The following PTPRZ1 variants were observed in gnomAD, a reference collection of about 807,000 sequenced individuals.
PTPRZ1 encodes receptor-type tyrosine-protein phosphatase zeta.
In PTPRZ1, 82 loss-of-function variants were observed where a neutral mutation model predicts 214.1. The observed-to-expected ratio is 0.38, with a 90% CI of 0.32 to 0.46. The LOEUF (loss-of-function observed/expected upper bound fraction) is 0.46. PTPRZ1 is among the 20% of genes least tolerant of loss of function. The pLI is 1.00. For missense variants in PTPRZ1, 2,603 were observed against 2,748.7 expected (o/e 0.95, Z 1.19); for synonymous variants, 945 against 987.9 (o/e 0.96, Z 0.81).
Position 122,059,835 on chromosome 7 carries a change from T to C in PTPRZ1, c.6754T>C (p.Tyr2252His), listed in dbSNP as rs1422557640. Residue 2252 changes from tyrosine (Y) to histidine (H), a missense_variant, in exon 29 of 30, where the codon TAC (tyrosine) becomes CAC (histidine). Coordinates refer to ENST00000393386, the MANE Select transcript of PTPRZ1 (RefSeq NM_002851.3). ...AGAAAAAGAAAATTCCGTGGATGTT[T>C]ACCAGGTAGCCAAGATGATCAATCT... ...QLEKENSVDV[Y>H]QVAKMINLMR... The C allele has an allele frequency of 5.0e-6, 8 of 1,613,742 alleles. No individual in the cohort carries two copies. Among genetic ancestry groups the C allele is most frequent in the African/African-American group, 1.3e-5 (1 of 74,998 alleles).
intron 2 of PTPRZ1, among the ~76,000 whole-genome samples, chr7:121,961,934 C>T (rs1053160284): frequency 6.6e-6 from 1 of 152,166 alleles, no homozygotes; most frequent in Non-Finnish European, 1.5e-5. Flanking sequence ...ATTTAGTATT[C>T]TGCTGTCCTC....
At chr7:121,894,853 G>A (rs936245085) in intron 1 of PTPRZ1, among the ~76,000 whole-genome samples, 6 of 152,118 alleles carry the variant, frequency 3.9e-5, no homozygotes, top group African/African-American at 9.7e-5. Context: ...GGTGTATTAT[G>A]TTCATTGTCT....
chr7:122,037,214 G>A (rs1054620212), intron 18 of PTPRZ1, among the ~76,000 whole-genome samples: 1 of 151,258 alleles, frequency 6.6e-6, no homozygotes, highest in Non-Finnish European at 1.5e-5. Context: ...GGCAGAGTTT[G>A]CAGTGAGCCG....
At chr7:121,873,880 G>A (rs1195741785) in intron 1 of PTPRZ1, among the ~76,000 whole-genome samples, 1 of 152,226 alleles carries the variant, frequency 6.6e-6, no homozygotes. Flanking sequence ...CTTTTGCAAA[G>A]TGTAGAAATC....
chr7:122,026,219 A>C (rs1324968764), intron 13 of PTPRZ1, among the ~76,000 whole-genome samples: 1 of 152,198 alleles, frequency 6.6e-6, no homozygotes, highest in Admixed American at 6.5e-5. Context: ...AAGGTATTCA[A>C]ACTGGACCTT....
intron 1 of PTPRZ1, chr7:121,908,350 G>GATCTCGGTGGTCGCCGT: frequency 3.2e-6 from 1 of 315,210 alleles, no homozygotes; most frequent in Non-Finnish European, 6.1e-6. Context: ...AAAATGTGTA[G>GATCTCGGTGGTCGCCGT]ATCAATCCCT....
intron 2 of PTPRZ1, among the ~76,000 whole-genome samples, chr7:121,959,952 G>T (rs971788754): frequency 6.6e-6 from 1 of 152,182 alleles, no homozygotes; most frequent in African/African-American, 2.4e-5. Context: ...AAGGCAACTG[G>T]TGCTAGATGC....
At chr7:122,023,770 A>T (rs1451587868) in intron 13 of PTPRZ1, among the ~76,000 whole-genome samples, 1 of 136,436 alleles carries the variant, frequency 7.3e-6, no homozygotes, top group Non-Finnish European at 1.5e-5. Context: ...GTATAATTTT[A>T]TATATAATAT....
At chr7:121,968,281 A>G in intron 3 of PTPRZ1, 151 bp downstream of exon 3, 1 of 559,800 alleles carries the variant, frequency 1.8e-6, no homozygotes, top group Non-Finnish European at 2.8e-6. Context: ...AGAAAATGGG[A>G]AATTTAGACA....
chr7:122,018,756 A>G (rs953806561), intron 12 of PTPRZ1, among the ~76,000 whole-genome samples: 6 of 152,138 alleles, frequency 3.9e-5, no homozygotes, highest in African/African-American at 1.2e-4. Flanking sequence ...ATGGTGATTC[A>G]GTAAGTAGCG....
chr7:121,889,051 G>T (rs1794495959), intron 1 of PTPRZ1, among the ~76,000 whole-genome samples: 1 of 151,968 alleles, frequency 6.6e-6, no homozygotes, highest in African/African-American at 2.4e-5. Context: ...GCACAGAAAG[G>T]AATTATATAG....
chr7:121,906,204 AG>A (rs1795110933), intron 1 of PTPRZ1, among the ~76,000 whole-genome samples: 1 of 152,190 alleles, frequency 6.6e-6, no homozygotes, highest in Non-Finnish European at 1.5e-5. Context: ...TTATTCCAAA[AG>A]CACAGGATCT....
rs1465290271 is a variant in PTPRZ1 at position 122,012,608 on chromosome 7, G to T, written c.3562G>T (p.Ala1188Ser). The T allele has an allele frequency of 6.2e-7, 1 of 1,613,716 alleles. No individual in the cohort carries two copies. Among genetic ancestry groups the T allele is most frequent in the Non-Finnish European group, 8.5e-7 (1 of 1,179,732 alleles). Residue 1188 changes from alanine to serine, a missense_variant, in exon 12 of 30, where the codon GCT becomes TCT. Ala to Ser is a moderately conservative substitution (Grantham distance 99, BLOSUM62 1). Coordinates refer to ENST00000393386, the MANE Select transcript of PTPRZ1 (RefSeq NM_002851.3). ...TEVLLQPSFQASDVDTLLKTV... is the reference protein window; with the variant it reads ...TEVLLQPSFQSSDVDTLLKTV... ...AGTATTGCTACAACCTTCCTTTCAG[G>T]CTTCTGATGTTGACACCTTGCTTAA...
intron 27 of PTPRZ1, 51 bp downstream of exon 27, chr7:122,055,138 CAT>C: frequency 7.2e-7 from 1 of 1,381,646 alleles, no homozygotes; most frequent in Non-Finnish European, 9.8e-7. Flanking sequence ...ACATGTTAAA[CAT>C]ATTCTGACCT....
At chr7:122,008,067 A>C (rs2116646078) in intron 11 of PTPRZ1, among the ~76,000 whole-genome samples, 1 of 152,026 alleles carries the variant, frequency 6.6e-6, no homozygotes, top group Non-Finnish European at 1.5e-5. Context: ...TTTTTTCCCA[A>C]CTATGTAATA....
intron 8 of PTPRZ1, among the ~76,000 whole-genome samples, chr7:121,988,258 G>A (rs1441191370): frequency 6.6e-5 from 10 of 152,220 alleles, no homozygotes; most frequent in African/African-American, 2.4e-4. Flanking sequence ...GATCAGAGAT[G>A]ATACAGAACT....
At chr7:121,915,302 T>C (rs902181853) in intron 1 of PTPRZ1, among the ~76,000 whole-genome samples, 4 of 152,174 alleles carry the variant, frequency 2.6e-5, no homozygotes, top group African/African-American at 4.8e-5. Context: ...GTGGAGGTCC[T>C]CTTGGGAAAT....
At position 122,010,677 on chromosome 7, in the gene PTPRZ1, C is replaced by T. The variant is rs1359627028; in HGVS notation, c.1631C>T (p.Thr544Ile). The T allele has an allele frequency of 6.2e-7, 1 of 1,613,556 alleles. No individual in the cohort carries two copies. The highest frequency in any genetic ancestry group is 8.5e-7 in the Non-Finnish European group (1 of 1,179,652). The change falls in exon 12 of 30, where the codon ACT (threonine) becomes ATT (isoleucine). Residue 544 changes from threonine to isoleucine, a missense_variant. This residue lies in a region of PTPRZ1 where 1,913 missense variants were observed against 1,914.3 expected (regional missense o/e 1.00). Coordinates refer to ENST00000393386, the MANE Select transcript of PTPRZ1 (RefSeq NM_002851.3). The part of the protein sequence containing the change: ...TSASLNDGSK[T>I]VLRSPHMNLS... ...GCCTCTTTAAATGATGGCTCTAAAA[C>T]TGTTCTTAGATCTCCACATATGAAC...
rs778268178 is a variant in PTPRZ1, at chr7:122,010,629, C to T, written c.1583C>T (p.Pro528Leu). The T allele has an allele frequency of 6.2e-7, 1 of 1,613,618 alleles. No homozygotes were observed. The highest frequency in any genetic ancestry group is 8.5e-7 in the Non-Finnish European group (1 of 1,179,524). The change falls in exon 12 of 30, where the codon CCT (proline) becomes CTT (leucine). Residue 528 changes from proline (P) to leucine (L), a missense_variant. Coordinates refer to ENST00000393386, the MANE Select transcript of PTPRZ1 (RefSeq NM_002851.3). The stretch of plus-strand genomic sequence containing the variant: ...TCTCAGACTGTGACTGAACTGCCAC[C>T]TCACACTGTGGAAGGTACTTCAGCC... ...LTSQTVTELP[P>L]HTVEGTSASL...
Sources: gnomAD v4.1 joint callset for allele counts (sites outside exome capture counted in the v4.1 genomes callset) on GRCh38, gnomAD v4.1.1 for gene constraint, gnomAD v4.1.1 regional missense constraint, MANE v1.5 for transcripts, NCBI Gene and HGNC (gene_info 2026-07-23, HGNC 2026-07-21) for gene names.